MAML3: variants seen among roughly 807,000 people sequenced by gnomAD.
The protein encoded by MAML3 is mastermind like transcriptional coactivator 3, also known as mastermind-like protein 3.
In MAML3, 27 loss-of-function variants were observed where a neutral mutation model predicts 101.9. That is an observed-to-expected ratio of 0.27 (90% CI 0.20 to 0.37). The LOEUF (loss-of-function observed/expected upper bound fraction) is 0.37. Ranked by LOEUF, MAML3 falls within the 10% of genes least tolerant of loss-of-function variation. The pLI, the probability that MAML3 is intolerant of heterozygous loss-of-function variation, is 1.00. For missense variants in MAML3, 1,316 were observed against 1,444.9 expected, an observed-to-expected ratio of 0.91 and a Z score of 1.45; for synonymous variants, 501 against 555.9, an observed-to-expected ratio of 0.90 and a Z score of 1.39.
At chr4:139,972,258 A>G (rs1036190552) in intron 1 of MAML3, among the ~76,000 whole-genome samples, 1 of 152,202 alleles carries the variant, frequency 6.6e-6, no homozygotes, top group Non-Finnish European at 1.5e-5. Context: ...TGCAAATACC[A>G]GGTGTCTATT....
At chr4:140,065,615 T>C (rs1727522356) in intron 1 of MAML3, among the ~76,000 whole-genome samples, 1 of 152,196 alleles carries the variant, frequency 6.6e-6, no homozygotes, top group African/African-American at 2.4e-5. Flanking sequence ...TTGTGAGAAT[T>C]TGGACCCTGA....
At chr4:140,134,436 A>T in intron 1 of MAML3, 1 of 456,170 alleles carries the variant, frequency 2.2e-6, no homozygotes. Flanking sequence ...ATGCTACAGC[A>T]AGTGCATATC....
At chr4:139,762,297 C>G (rs115252379) in intron 2 of MAML3, among the ~76,000 whole-genome samples, 2 of 152,284 alleles carry the variant, frequency 1.3e-5, no homozygotes, top group African/African-American at 4.8e-5. Context: ...AGAAAGGATG[C>G]AGCTTCACAG....
At chr4:139,827,091 T>C (rs554406705) in intron 2 of MAML3, among the ~76,000 whole-genome samples, 5 of 152,288 alleles carry the variant, frequency 3.3e-5, no homozygotes, top group East Asian at 1.9e-4. Flanking sequence ...ATGTGCATGA[T>C]AGGAGCGTCT....
At chr4:139,726,439 T>C (rs1386394204) in intron 3 of MAML3, among the ~76,000 whole-genome samples, 4 of 152,220 alleles carry the variant, frequency 2.6e-5, no homozygotes, top group Non-Finnish European at 5.9e-5. Context: ...GTATTTCTGA[T>C]GTGTGGACTT....
At chr4:139,858,839 T>G (rs1023784464) in intron 2 of MAML3, among the ~76,000 whole-genome samples, 4 of 152,178 alleles carry the variant, frequency 2.6e-5, no homozygotes, top group Admixed American at 1.3e-4. Context: ...GGAATCTCAG[T>G]GGACACTGAG....
chr4:139,846,682 T>C (rs1731457117), intron 2 of MAML3, among the ~76,000 whole-genome samples: 1 of 152,236 alleles, frequency 6.6e-6, no homozygotes, highest in African/African-American at 2.4e-5. Context: ...TTAGTTTATA[T>C]GACTTTTGGT....
chr4:140,130,102 G>T (rs1438652893), intron 1 of MAML3, among the ~76,000 whole-genome samples: 1 of 152,144 alleles, frequency 6.6e-6, no homozygotes, highest in African/African-American at 2.4e-5. Flanking sequence ...ATAAAAGACG[G>T]ATAAGAAAGT....
intron 1 of MAML3, among the ~76,000 whole-genome samples, chr4:140,060,698 C>A (rs1298335810): frequency 6.6e-6 from 1 of 152,066 alleles, no homozygotes; most frequent in Non-Finnish European, 1.5e-5. Flanking sequence ...TAACCATTGC[C>A]TAAGTAAAAT....
chr4:139,808,880 G>A lies in MAML3; in HGVS notation c.2080-78213C>T, dbSNP rs186279926. Reference sequence around the variant, plus strand: ...CCCTGAGACAAGGGGTGTGCGTGTGGGTGAATGTACACATGTGTGAGACCA... The same window carrying A: ...CCCTGAGACAAGGGGTGTGCGTGTGAGTGAATGTACACATGTGTGAGACCA... On this transcript the variant is annotated intron_variant, in intron 2 of 4. Coordinates refer to ENST00000509479, the MANE Select transcript of MAML3 (RefSeq NM_018717.5). 5.3e-5 allele frequency among the ~76,000 whole-genome samples: 8 copies of A among 152,258 alleles called. No homozygotes were observed. In the East Asian group the frequency reaches 1.5e-3, roughly 29 times the overall value.
intron 1 of MAML3, among the ~76,000 whole-genome samples, chr4:139,908,558 C>A (rs1732860796): frequency 6.6e-6 from 1 of 152,220 alleles, no homozygotes; most frequent in South Asian, 2.1e-4. Context: ...ATTATGAATT[C>A]TTCTCAGATA....
At chr4:139,892,569 C>G (rs890150656) in intron 1 of MAML3, among the ~76,000 whole-genome samples, 1 of 148,754 alleles carries the variant, frequency 6.7e-6, no homozygotes, top group Non-Finnish European at 1.5e-5. Context: ...GTTTTGTGTT[C>G]CCTGAATCTA....
intron 2 of MAML3, among the ~76,000 whole-genome samples, chr4:139,780,775 T>C (rs1436674986): frequency 1.3e-5 from 2 of 151,956 alleles, no homozygotes; most frequent in African/African-American, 2.4e-5. Context: ...GGATTACAAG[T>C]GCGCGCCACC....
At chr4:140,063,196 T>C (rs925805691) in intron 1 of MAML3, among the ~76,000 whole-genome samples, 2 of 152,056 alleles carry the variant, frequency 1.3e-5, no homozygotes, top group Admixed American at 6.6e-5. Context: ...CCAAACAATT[T>C]TACCTATTTT....
intron 1 of MAML3, among the ~76,000 whole-genome samples, chr4:140,126,174 T>TAAA (rs542556461): frequency 1.5e-5 from 2 of 134,760 alleles, no homozygotes; most frequent in Non-Finnish European, 3.2e-5. Flanking sequence ...AAGCATTGTT[T>TAAA]AAAAAAAAAA....
At chr4:139,861,102 G>A (rs1057312130) in intron 2 of MAML3, among the ~76,000 whole-genome samples, 2 of 151,952 alleles carry the variant, frequency 1.3e-5, no homozygotes, top group African/African-American at 4.8e-5. Flanking sequence ...ACCACAATGC[G>A]ATCCATGCAT....
intron 2 of MAML3, among the ~76,000 whole-genome samples, chr4:139,752,050 C>T (rs1299903347): frequency 6.6e-6 from 1 of 152,182 alleles, no homozygotes; most frequent in Non-Finnish European, 1.5e-5. Flanking sequence ...CTTATCTTTT[C>T]TCTAGACTGT....
At chr4:140,126,137 GTAATAA>G (rs540727604) in intron 1 of MAML3, among the ~76,000 whole-genome samples, 1 of 131,996 alleles carries the variant, frequency 7.6e-6, no homozygotes, top group African/African-American at 2.8e-5. Context: ...TTTTAAAAGA[GTAATAA>G]TAATAATAAA....
chr4:140,003,628 C>T (rs928239583), intron 1 of MAML3, among the ~76,000 whole-genome samples: 2 of 152,108 alleles, frequency 1.3e-5, no homozygotes, highest in East Asian at 1.9e-4. Context: ...CTTTCGTGTA[C>T]CCCATTTTAA....
Sources: gnomAD v4.1 joint callset for allele counts (sites outside exome capture counted in the v4.1 genomes callset) on GRCh38, gnomAD v4.1.1 for gene constraint, MANE v1.5 for transcripts, NCBI Gene and HGNC (gene_info 2026-07-23, HGNC 2026-07-21) for gene names.